The following FGD5 variants were observed in gnomAD, a reference collection of about 807,000 sequenced individuals.
FGD5 encodes the protein FYVE, RhoGEF and PH domain containing 5.
Under a neutral mutation model 133.4 loss-of-function variants are expected in FGD5, and 28 were observed. The ratio of observed to expected loss-of-function variants is 0.21; its 90% CI spans 0.16 to 0.29. The LOEUF is 0.29. Ranked by LOEUF, FGD5 falls within the 10% of genes least tolerant of loss-of-function variation. The probability of loss-of-function intolerance (pLI) is 1.00; values close to 1 mark genes in which losing one functional copy is unlikely to be tolerated. For missense variants in FGD5, 1,858 were observed against 1,895.2 expected (o/e 0.98, Z 0.36); for synonymous variants, 810 against 776.5 (o/e 1.04, Z -0.72).
intron 4 of FGD5, among the ~76,000 whole-genome samples, chr3:14,886,828 T>G (rs2087919): frequency 0.7 from 106,321 of 152,166 alleles, 37,254 homozygotes; most frequent in Non-Finnish European, 0.72. Flanking sequence ...TATTTGTGTG[T>G]TTCCCACATC....
At chr3:14,835,785 A>G (rs1462622262) in intron 1 of FGD5, among the ~76,000 whole-genome samples, 1 of 152,204 alleles carries the variant, frequency 6.6e-6, no homozygotes, top group Non-Finnish European at 1.5e-5. Context: ...TGACTGTAAA[A>G]TGGAGATAAC....
intron 1 of FGD5, among the ~76,000 whole-genome samples, chr3:14,850,321 C>T (rs2037134618): frequency 6.6e-6 from 1 of 152,234 alleles, no homozygotes; most frequent in Non-Finnish European, 1.5e-5. Flanking sequence ...GAACCAGATC[C>T]AGCCTCTGGG....
chr3:14,917,199 G>A lies in FGD5; in HGVS notation c.3406-50G>A, dbSNP rs369771729. 6.5e-7 allele frequency: 1 copy of A among 1,528,148 alleles called. No homozygotes were observed. The highest frequency in any genetic ancestry group is 1.2e-5 in the South Asian group (1 of 85,122). The allele number at this position is 1,528,148 out of a possible 1,614,324, so 94.7% of individuals were successfully genotyped here. ...GGGATCCTTTGAGGACAGAAGCCTG[G>A]CGCAGCCTTCTGGGGCCAGGGTCCT... On this transcript the variant is annotated intron_variant, in intron 11 of 19. Transcript: ENST00000285046. This position sits in a 1 kb window ranked among gnomAD's most constrained non-coding sequence, Gnocchi z 4.1.
intron 4 of FGD5, among the ~76,000 whole-genome samples, chr3:14,884,859 C>T (rs1575231381): frequency 6.6e-6 from 1 of 152,128 alleles, no homozygotes; most frequent in East Asian, 1.9e-4. Flanking sequence ...ATCATGAGTG[C>T]AGGATGTGGG....
intron 1 of FGD5, among the ~76,000 whole-genome samples, chr3:14,835,536 C>T (rs960928662): frequency 2.6e-5 from 4 of 151,980 alleles, no homozygotes; most frequent in South Asian, 2.1e-4. Context: ...GAAAGCTGCA[C>T]TACAAAACCC....
At chr3:14,811,862 A>G (rs1014928725) in intron 1 of FGD5, among the ~76,000 whole-genome samples, 1 of 151,760 alleles carries the variant, frequency 6.6e-6, no homozygotes, top group Non-Finnish European at 1.5e-5. Context: ...TCACCACTCT[A>G]TTTTCTTTTT....
intron 1 of FGD5, among the ~76,000 whole-genome samples, chr3:14,859,573 A>AAAG (rs1553625913): frequency 0.045 from 6,889 of 151,722 alleles, 237 homozygotes; most frequent in East Asian, 0.15. Context: ...AAAAAATAAT[A>AAAG]AAAGAAAGAA....
chr3:14,813,103 A>G (rs2036317321), intron 1 of FGD5, among the ~76,000 whole-genome samples: 1 of 152,204 alleles, frequency 6.6e-6, no homozygotes, highest in Admixed American at 6.5e-5. Flanking sequence ...CCTAACACGT[A>G]GTAGGGTGTA....
chr3:14,815,208 C>T (rs576527979), upstream of FGD5, among the ~76,000 whole-genome samples: 25 of 152,312 alleles, frequency 1.6e-4, 1 homozygote, highest in East Asian at 4.4e-3. Context: ...TTCTCCTGCT[C>T]GATCACTCCG....
chr3:14,880,406 G>T (rs2037802298), intron 2 of FGD5, among the ~76,000 whole-genome samples, 166 bp from the exon 3 acceptor site: 1 of 152,140 alleles, frequency 6.6e-6, no homozygotes, highest in African/African-American at 2.4e-5. Context: ...TTCCAGATGA[G>T]GAAACTGAGG....
chr3:14,889,070 C>G (rs1164970242), intron 4 of FGD5, among the ~76,000 whole-genome samples: 2 of 152,196 alleles, frequency 1.3e-5, no homozygotes, highest in African/African-American at 2.4e-5. Flanking sequence ...GCTGCACCAG[C>G]TCCTGCAGGG....
chr3:14,861,118 A>G (rs1299112564), intron 1 of FGD5, among the ~76,000 whole-genome samples: 1 of 152,216 alleles, frequency 6.6e-6, no homozygotes, highest in Non-Finnish European at 1.5e-5. Context: ...CATGAGGCAA[A>G]TGATAGAACA....
chr3:14,883,468 A>T (rs542661074), intron 4 of FGD5, among the ~76,000 whole-genome samples: 5 of 152,158 alleles, frequency 3.3e-5, no homozygotes, highest in African/African-American at 4.8e-5. Flanking sequence ...TCATGCATCA[A>T]GTGACACAAC....
rs936243464 is a variant in FGD5 at position 14,926,215 on chromosome 3, C to A, written c.4197+17C>A. ...GCCAGTGAGGTAGTAGTGATCTGCA[C>A]TCTCTCCCCTCTCCTCTCTCCTGTG... On this transcript the variant is annotated intron_variant, in intron 18 of 19. Transcript: ENST00000285046. The A allele has an allele frequency of 4.3e-6, 7 of 1,611,868 alleles. No homozygotes were observed. In the Admixed American group the frequency reaches 1.2e-4, roughly 27 times the overall value.
intron 1 of FGD5, among the ~76,000 whole-genome samples, chr3:14,823,351 G>C (rs981568959): frequency 6.6e-6 from 1 of 152,200 alleles, no homozygotes; most frequent in Admixed American, 6.5e-5. Flanking sequence ...GCCTCATCGG[G>C]TGCTGGGTAC....
At chr3:14,854,399 T>TTATC (rs2037231882) in intron 1 of FGD5, among the ~76,000 whole-genome samples, 3 of 105,730 alleles carry the variant, frequency 2.8e-5, no homozygotes, top group African/African-American at 1.2e-4. Context: ...TTTTATTTAT[T>TTATC]TATTTATTTA....
At chr3:14,843,841 C>T (rs758617705) in intron 1 of FGD5, among the ~76,000 whole-genome samples, 4 of 151,662 alleles carry the variant, frequency 2.6e-5, no homozygotes, top group Non-Finnish European at 5.9e-5. Flanking sequence ...CAGGTATGCA[C>T]CACCACCACA....
intron 9 of FGD5, among the ~76,000 whole-genome samples, chr3:14,904,374 A>T (rs746796121): frequency 6.6e-6 from 1 of 152,210 alleles, no homozygotes; most frequent in Non-Finnish European, 1.5e-5. Context: ...CATTTATATC[A>T]GTATGGACTG....
At chr3:14,880,895 G>A in intron 4 of FGD5, 123 bp downstream of exon 4, 1 of 1,277,558 alleles carries the variant, frequency 7.8e-7, no homozygotes, top group Non-Finnish European at 1.1e-6. Flanking sequence ...CAGCAGGCAG[G>A]CACTCACCGA....
Sources: allele counts gnomAD v4.1 joint callset (sites outside exome capture counted in the v4.1 genomes callset), GRCh38; gene constraint gnomAD v4.1.1; non-coding constraint Gnocchi (gnomAD v3.1); transcripts MANE v1.5; gene names NCBI Gene and HGNC (gene_info 2026-07-23, HGNC 2026-07-21).